Variants in SLC44A3 observed in about 807,000 individuals in gnomAD.
The protein encoded by SLC44A3 is solute carrier family 44 member 3, also known as choline transporter-like protein 3.
SLC44A3 carries 74 observed loss-of-function variants against 75.4 expected under a neutral mutation model. The observed-to-expected ratio is 0.98, with a 90% CI of 0.81 to 1.19. The LOEUF is 1.19. Ranked by LOEUF, SLC44A3 falls within the 50% of genes most tolerant of loss-of-function variation. The pLI is 0.00. For missense variants in SLC44A3, 700 were observed against 778.6 expected (o/e 0.90, Z 1.20); for synonymous variants, 310 against 296.9 (o/e 1.04, Z -0.45).
intron 12 of SLC44A3, among the ~76,000 whole-genome samples, chr1:94,874,680 T>A (rs1292410511): frequency 6.6e-6 from 1 of 152,218 alleles, no homozygotes; most frequent in Non-Finnish European, 1.5e-5. Flanking sequence ...AGCCACTCAC[T>A]GGCACTTACT....
chr1:94,853,859 C>T lies in SLC44A3; in HGVS notation c.1073-3476C>T, dbSNP rs537382654. ...TAGTAACTCAGATGGTATCCTCTCT[C>T]TGATTTTTTTTTTTTTTGCCTCATT... On this transcript the variant is annotated intron_variant, in intron 9 of 14. Transcript: ENST00000271227. Among the ~76,000 whole-genome samples the T allele has an allele frequency of 3.0e-5, 3 of 98,464 alleles. No individual in the cohort carries two copies. In the East Asian group the frequency reaches 1.5e-3, roughly 48 times the overall value. The allele number at this position is 98,464 out of a possible 152,430, so 64.6% of individuals were successfully genotyped here. A position where few individuals can be genotyped will look rare whatever the true frequency, so the allele number is the denominator to read the frequency against.
At chr1:94,868,050 C>T (rs537394051) in intron 12 of SLC44A3, among the ~76,000 whole-genome samples, 6 of 152,276 alleles carry the variant, frequency 3.9e-5, no homozygotes, top group East Asian at 1.9e-4. Context: ...CCTTTTCAAG[C>T]TGTAAATATG....
intron 7 of SLC44A3, 78 bp downstream of exon 7, chr1:94,840,115 G>A: frequency 7.5e-7 from 1 of 1,341,898 alleles, no homozygotes. Flanking sequence ...CTTAAAAGTT[G>A]GCATTTTTAA....
chr1:94,887,564 A>C (rs1358918829), intron 12 of SLC44A3, among the ~76,000 whole-genome samples: 1 of 152,228 alleles, frequency 6.6e-6, no homozygotes, highest in African/African-American at 2.4e-5. Context: ...ATACCTTTTT[A>C]AATTTTAATC....
At chr1:94,820,765 A>G in intron 1 of SLC44A3, 184 bp from the exon 2 acceptor site, 1 of 1,400,272 alleles carries the variant, frequency 7.1e-7, no homozygotes, top group Non-Finnish European at 9.3e-7. Context: ...CGCTCCGCGC[A>G]GAGCAGGTGT....
chr1:94,845,870 C>T (rs1429801424), intron 9 of SLC44A3, among the ~76,000 whole-genome samples: 2 of 152,096 alleles, frequency 1.3e-5, no homozygotes, highest in South Asian at 2.1e-4. Flanking sequence ...ATTGTGCAGC[C>T]GGGTGCTATG....
chr1:94,824,643 T>A lies in SLC44A3; in HGVS notation c.278+8T>A, dbSNP rs1344441862. On this transcript the variant is annotated splice_region_variant and intron_variant, in intron 3 of 14. Transcript: ENST00000271227. ...GGACATGACCCTAAAAAAGTAAGTATCTAAATAAGTCCCCAGTCTGTAAGG... is the reference window on the plus strand; with the variant it reads ...GGACATGACCCTAAAAAAGTAAGTAACTAAATAAGTCCCCAGTCTGTAAGG... 2.6e-6 allele frequency: 4 copies of A among 1,564,224 alleles called. No homozygotes were observed. Among genetic ancestry groups the A allele is most frequent in the Non-Finnish European group, 3.4e-6 (4 of 1,160,536 alleles).
At chr1:94,858,094 G>A (rs780473536) in intron 10 of SLC44A3, among the ~76,000 whole-genome samples, 2 of 151,926 alleles carry the variant, frequency 1.3e-5, no homozygotes, top group South Asian at 4.2e-4. Context: ...TTACAGGTGT[G>A]AGCCACCGCA....
chr1:94,855,625 T>C (rs1056297283), intron 9 of SLC44A3, among the ~76,000 whole-genome samples: 3 of 152,176 alleles, frequency 2.0e-5, no homozygotes, highest in Non-Finnish European at 4.4e-5. Context: ...CATTAACCTC[T>C]CTATAAATCA....
chr1:94,820,703 C>A (rs1660439658), intron 1 of SLC44A3: 4 of 1,378,988 alleles, frequency 2.9e-6, no homozygotes. Flanking sequence ...AACTTGGGGT[C>A]GTCCTCAGGT....
At position 94,824,444 on chromosome 1, in the gene SLC44A3, G is replaced by T. The variant is rs760278956; in HGVS notation, c.136-49G>T. 602 of 1,536,162 alleles carry T rather than the reference G, an allele frequency of 3.9e-4. 1 individual carries two copies. The highest frequency in any genetic ancestry group is 4.7e-4 in the Non-Finnish European group (537 of 1,146,474). ...AGCATCTGCAGGGGTGTGGGGCACT[G>T]TGCGCTCAGCCCTTTGGCCAGGCTC... is the stretch of plus-strand genomic sequence containing the variant. On this transcript the variant is annotated intron_variant, in intron 2 of 14. Coordinates refer to ENST00000271227, the MANE Select transcript of SLC44A3 (RefSeq NM_001114106.3).
chr1:94,847,951 G>A (rs77823087), intron 9 of SLC44A3, among the ~76,000 whole-genome samples: 13,256 of 152,130 alleles, frequency 0.087, 1,703 homozygotes, highest in African/African-American at 0.28. Flanking sequence ...TCTTTAGGCC[G>A]GGTGCAGTGG....
At chr1:94,884,863 A>G (rs551757325) in intron 12 of SLC44A3, among the ~76,000 whole-genome samples, 40 of 152,374 alleles carry the variant, frequency 2.6e-4, no homozygotes, top group Middle Eastern at 3.4e-3. Context: ...TAGCTCTCAC[A>G]GTAACTTAAA....
chr1:94,864,261 C>A (rs1381333148), intron 10 of SLC44A3, among the ~76,000 whole-genome samples: 2 of 152,164 alleles, frequency 1.3e-5, no homozygotes, highest in African/African-American at 2.4e-5. Context: ...GCACCCAGGG[C>A]TTTCTGTCCC....
At chr1:94,886,413 G>C (rs1007160385) in intron 12 of SLC44A3, among the ~76,000 whole-genome samples, 17 of 152,212 alleles carry the variant, frequency 1.1e-4, no homozygotes, top group African/African-American at 3.9e-4. Flanking sequence ...GCTGACCCCC[G>C]ACTCTTCCAG....
At position 94,820,396 on chromosome 1, in the gene SLC44A3, C is replaced by A. The variant is rs945755733; in HGVS notation, c.-56C>A. On this transcript the variant is annotated 5_prime_UTR_variant, in exon 1 of 15. Coordinates refer to ENST00000271227, the MANE Select transcript of SLC44A3 (RefSeq NM_001114106.3). ...CCCCGGCTCGCGGGCGCTGCGTCTC[C>A]GCGTACAGGAGGCGGCGGCGGCTCC... The A allele has an allele frequency of 1.4e-6, 2 of 1,431,342 alleles. No individual in the cohort carries two copies. 88.7% of individuals were successfully genotyped at this position (1,431,342 alleles called of 1,614,324 possible). A position where few individuals can be genotyped will look rare whatever the true frequency, so the allele number is the denominator to read the frequency against.
intron 3 of SLC44A3, chr1:94,825,761 G>A (rs1661229772): frequency 2.2e-6 from 1 of 450,204 alleles, no homozygotes; most frequent in Non-Finnish European, 4.5e-6. Context: ...CCTCCTGAGT[G>A]TTGCTCCTAA....
intron 14 of SLC44A3, 81 bp from the exon 15 acceptor site, chr1:94,894,737 A>C: frequency 8.6e-7 from 1 of 1,160,994 alleles, no homozygotes; most frequent in South Asian, 1.4e-5. Context: ...CAGAGGGCAA[A>C]GGAGAAGTTT....
chr1:94,853,459 G>A (rs1478805073), intron 9 of SLC44A3, among the ~76,000 whole-genome samples: 1 of 152,206 alleles, frequency 6.6e-6, no homozygotes, highest in African/African-American at 2.4e-5. Flanking sequence ...ATGGGAGATA[G>A]TTGCGAATGA....
Sources: allele counts gnomAD v4.1 joint callset (sites outside exome capture counted in the v4.1 genomes callset), GRCh38; gene constraint gnomAD v4.1.1; transcripts MANE v1.5; gene names NCBI Gene and HGNC (gene_info 2026-07-23, HGNC 2026-07-21).